The following NEK4 variants were observed in gnomAD, a reference collection of about 807,000 sequenced individuals.
NEK4 encodes NIMA related kinase 4.
A neutral mutation model predicts 98.4 loss-of-function variants in NEK4; 86 were observed. The ratio of observed to expected loss-of-function variants is 0.87; its 90% CI spans 0.73 to 1.05. The LOEUF (loss-of-function observed/expected upper bound fraction) is 1.05. NEK4 is among the 50% of genes least tolerant of loss of function. The pLI is 0.00. For missense variants in NEK4, 898 were observed against 950.3 expected, an observed-to-expected ratio of 0.94 and a Z score of 0.72; for synonymous variants, 328 against 342.2, an observed-to-expected ratio of 0.96 and a Z score of 0.46.
At chr3:52,759,077 C>A (rs1698243689) in intron 6 of NEK4, among the ~76,000 whole-genome samples, 1 of 139,350 alleles carries the variant, frequency 7.2e-6, no homozygotes, top group African/African-American at 2.6e-5. Context: ...CGTAACAGAG[C>A]AAGATCCTCT....
chr3:52,760,506 C>T (rs970928961), intron 6 of NEK4, among the ~76,000 whole-genome samples: 1 of 152,160 alleles, frequency 6.6e-6, no homozygotes, highest in African/African-American at 2.4e-5. Flanking sequence ...CATGAGCCAC[C>T]GCGCTCAGCC....
intron 15 of NEK4, among the ~76,000 whole-genome samples, chr3:52,725,102 T>C (rs150491561): frequency 7.6e-4 from 115 of 152,314 alleles, no homozygotes; most frequent in Middle Eastern, 6.8e-3. Context: ...TACAAAACAA[T>C]TAGACTAAAA....
Position 52,726,598 on chromosome 3 carries a change from C to CAAA in NEK4, c.2433+10985_2433+10987dup, listed in dbSNP as rs35224191. On this transcript the variant is annotated intron_variant, in intron 15 of 15. Coordinates refer to ENST00000233027, the MANE Select transcript of NEK4 (RefSeq NM_003157.6). ...TGGGCAACAGAGCAAGACTCCGTCT[C>CAAA]AAAAAAAAAAAAAAAAATTCAGGAC... is the stretch of plus-strand genomic sequence containing the variant. 1.1e-3 allele frequency among the ~76,000 whole-genome samples: 113 copies of CAAA among 104,078 alleles called. 1 individual carries two copies. The highest frequency in any genetic ancestry group is 2.9e-3 in the Admixed American group (28 of 9,706). The allele number at this position is 104,078 out of a possible 152,430, so 68.3% of individuals were successfully genotyped here. A position where few individuals can be genotyped will look rare whatever the true frequency, so the allele number is the denominator to read the frequency against.
Position 52,769,747 on chromosome 3 carries a change from G to A in NEK4, c.93+907C>T, listed in dbSNP as rs149309167. On this transcript the variant is annotated intron_variant, in intron 1 of 15. Coordinates refer to ENST00000233027, the MANE Select transcript of NEK4 (RefSeq NM_003157.6). Reference sequence around the variant, plus strand: ...CTGTCCTGGTGTAACTATTAATAATGCCTTTCAGTTTCAAAATTGTCCCAG... The same window carrying A: ...CTGTCCTGGTGTAACTATTAATAATACCTTTCAGTTTCAAAATTGTCCCAG... 2.6e-5 allele frequency among the ~76,000 whole-genome samples: 4 copies of A among 152,288 alleles called. No individual in the cohort carries two copies. The East Asian group carries it at 5.8e-4, about 22-fold the overall frequency.
chr3:52,741,534 G>A, intron 12 of NEK4, 35 bp from the exon 13 acceptor site: 1 of 1,326,128 alleles, frequency 7.5e-7, no homozygotes, highest in Non-Finnish European at 1.1e-6. Context: ...AATTCTACAT[G>A]ACAACACAAC....
At chr3:52,734,908 CA>C (rs796414830) in intron 15 of NEK4, 297 of 213,858 alleles carry the variant, frequency 1.4e-3, no homozygotes, top group Middle Eastern at 3.4e-3. Context: ...AGAATATTAC[CA>C]AAAAAAAAGG....
At chr3:52,712,588 C>G (rs999245270) in intron 15 of NEK4, among the ~76,000 whole-genome samples, 9 of 152,336 alleles carry the variant, frequency 5.9e-5, no homozygotes, top group Non-Finnish European at 1.0e-4. Flanking sequence ...AATCAGATCA[C>G]ACGTGGGCTT....
intron 15 of NEK4, among the ~76,000 whole-genome samples, chr3:52,714,042 T>C (rs1468638): frequency 0.46 from 69,263 of 151,700 alleles, 16,128 homozygotes; most frequent in African/African-American, 0.52. Flanking sequence ...CAAGACCAGC[T>C]TAGGCAACAT....
chr3:52,731,109 T>C (rs1484317307), intron 15 of NEK4, among the ~76,000 whole-genome samples: 2 of 152,162 alleles, frequency 1.3e-5, no homozygotes, highest in Non-Finnish European at 2.9e-5. Context: ...AAATGTAATA[T>C]ATTTGCCAAT....
At chr3:52,756,699 G>A (rs2097415679) in intron 6 of NEK4, among the ~76,000 whole-genome samples, 2 of 152,082 alleles carry the variant, frequency 1.3e-5, no homozygotes, top group African/African-American at 2.4e-5. Flanking sequence ...ATTTGCCAAC[G>A]ATTTTCTGGA....
chr3:52,757,743 A>AGGTAAT (rs1698176770), intron 6 of NEK4, among the ~76,000 whole-genome samples: 1 of 152,210 alleles, frequency 6.6e-6, no homozygotes, highest in African/African-American at 2.4e-5. Flanking sequence ...TTAAAAAGGA[A>AGGTAAT]GGTAATTCTG....
At chr3:52,752,845 A>C (rs2097407597) in intron 6 of NEK4, among the ~76,000 whole-genome samples, 1 of 145,394 alleles carries the variant, frequency 6.9e-6, no homozygotes, top group Non-Finnish European at 1.5e-5. Context: ...GGTTGTAGTG[A>C]GCCGAGAGCC....
chr3:52,768,912 C>G (rs190497964), intron 1 of NEK4, among the ~76,000 whole-genome samples: 6 of 152,122 alleles, frequency 3.9e-5, no homozygotes, highest in Non-Finnish European at 8.8e-5. Flanking sequence ...AATTATAAAA[C>G]CTGTGTTAGC....
At chr3:52,715,769 A>C (rs1169086022) in intron 15 of NEK4, among the ~76,000 whole-genome samples, 1 of 152,230 alleles carries the variant, frequency 6.6e-6, no homozygotes, top group African/African-American at 2.4e-5. Flanking sequence ...TCACAGGACA[A>C]GAATTCGAGA....
At chr3:52,758,424 T>C (rs781593573) in intron 6 of NEK4, among the ~76,000 whole-genome samples, 2 of 151,758 alleles carry the variant, frequency 1.3e-5, no homozygotes, top group African/African-American at 2.4e-5. Context: ...TTTATCATAA[T>C]GAAAAAATTA....
intron 15 of NEK4, among the ~76,000 whole-genome samples, chr3:52,729,219 G>A (rs532650042): frequency 1.5e-4 from 23 of 152,090 alleles, no homozygotes; most frequent in African/African-American, 4.8e-4. Context: ...GGGCATCACG[G>A]TCCTACTGAT....
chr3:52,753,668 A>G (rs965608427), intron 6 of NEK4: 13 of 586,366 alleles, frequency 2.2e-5, no homozygotes, highest in South Asian at 4.1e-5. Context: ...TGCTTTGCCC[A>G]TAACTAAGCC....
intron 1 of NEK4, among the ~76,000 whole-genome samples, chr3:52,769,997 G>A (rs932350872): frequency 6.6e-6 from 1 of 152,120 alleles, no homozygotes; most frequent in Admixed American, 6.5e-5. Context: ...GAGACAACAG[G>A]GTGTCCTGGA....
rs140578743 is a variant in NEK4, at chr3:52,752,036, C to T, written c.1264G>A (p.Glu422Lys). The T allele has an allele frequency of 6.2e-6, 10 of 1,614,104 alleles. No homozygotes were observed. The African/African-American group carries it at 1.3e-4, about 22-fold the overall frequency. Residue 422 changes from glutamate to lysine, a missense_variant, in exon 7 of 16, where the codon GAA becomes AAA. Glu to Lys is a moderately conservative substitution (Grantham distance 56, BLOSUM62 1). Coordinates refer to ENST00000233027, the MANE Select transcript of NEK4 (RefSeq NM_003157.6). ...GAGGACCACATGGGAATCAGGTTTT[C>T]AGGCTGGGCACTGGATTTAGTGTTG... ...QDNTKSSAQP[E>K]NLIPMWSSDI... is the part of the protein sequence containing the mutation.
Sources: allele counts gnomAD v4.1 joint callset (sites outside exome capture counted in the v4.1 genomes callset), GRCh38; gene constraint gnomAD v4.1.1; transcripts MANE v1.5; gene names NCBI Gene and HGNC (gene_info 2026-07-23, HGNC 2026-07-21).